Variants in ZNF804B observed in about 807,000 individuals in gnomAD.
The protein encoded by ZNF804B is zinc finger 804B.
Under a neutral mutation model 101.4 loss-of-function variants are expected in ZNF804B, and 80 were observed. That is an observed-to-expected ratio of 0.79 (90% confidence interval 0.66 to 0.95). The LOEUF is 0.95. Among genes scored for constraint, ZNF804B ranks in the 40% least tolerant of loss-of-function variants. ZNF804B has a pLI of 0.00. For missense variants in ZNF804B, 1,673 were observed against 1,561.9 expected (o/e 1.07, Z -1.20); for synonymous variants, 622 against 558.8 (o/e 1.11, Z -1.59).
intron 1 of ZNF804B, among the ~76,000 whole-genome samples, chr7:89,104,636 C>G (rs1349633310): frequency 6.6e-6 from 1 of 151,712 alleles, no homozygotes; most frequent in South Asian, 2.1e-4. Context: ...TCCTTTTTTT[C>G]CCTCTTATTT....
chr7:88,980,433 A>G (rs1793679289), intron 1 of ZNF804B, among the ~76,000 whole-genome samples: 1 of 151,956 alleles, frequency 6.6e-6, no homozygotes, highest in South Asian at 2.1e-4. Flanking sequence ...GCTGGTTTGT[A>G]TCTGTCCTTC....
intron 2 of ZNF804B, among the ~76,000 whole-genome samples, chr7:89,291,207 C>G (rs1368059728): frequency 6.6e-6 from 1 of 152,132 alleles, no homozygotes; most frequent in Non-Finnish European, 1.5e-5. Flanking sequence ...GAGTACCCAA[C>G]CCTTCAATGC....
chr7:88,947,883 AG>A (rs1793160534), intron 1 of ZNF804B, among the ~76,000 whole-genome samples: 1 of 151,928 alleles, frequency 6.6e-6, no homozygotes, highest in South Asian at 2.1e-4. Flanking sequence ...TGGTATCCAC[AG>A]GGGTCATGCA....
intron 1 of ZNF804B, among the ~76,000 whole-genome samples, chr7:89,029,251 G>C (rs975355143): frequency 2.0e-5 from 3 of 152,048 alleles, no homozygotes; most frequent in African/African-American, 7.2e-5. Flanking sequence ...TTACAGGCAT[G>C]CACCATCACA....
chr7:89,203,426 C>T (rs962565895), intron 1 of ZNF804B, among the ~76,000 whole-genome samples: 4 of 152,234 alleles, frequency 2.6e-5, no homozygotes, highest in South Asian at 2.1e-4. Context: ...TAGTTTATAG[C>T]GGCTCTTTTG....
intron 1 of ZNF804B, among the ~76,000 whole-genome samples, chr7:88,926,794 C>G (rs1474507873): frequency 1.3e-5 from 2 of 152,050 alleles, no homozygotes; most frequent in South Asian, 2.1e-4. Flanking sequence ...GGTGATTTTC[C>G]TAAGTCCAGC....
At chr7:89,092,556 G>T (rs1274949748) in intron 1 of ZNF804B, among the ~76,000 whole-genome samples, 1 of 151,680 alleles carries the variant, frequency 6.6e-6, no homozygotes, top group Non-Finnish European at 1.5e-5. Flanking sequence ...GGGACTACAG[G>T]CACGTGCCAC....
chr7:88,814,626 C>T (rs1790847023), intron 1 of ZNF804B, among the ~76,000 whole-genome samples: 1 of 151,990 alleles, frequency 6.6e-6, no homozygotes, highest in African/African-American at 2.4e-5. Flanking sequence ...AATTTGGCCT[C>T]TATATTTTAT....
Position 89,085,167 on chromosome 7 carries a change from C to T in ZNF804B, c.109-132988C>T, listed in dbSNP as rs934804392. Among the ~76,000 whole-genome samples the T allele has an allele frequency of 2.6e-5, 4 of 151,858 alleles. 1 individual carries two copies. The highest frequency in any genetic ancestry group is 2.9e-5 in the Non-Finnish European group (2 of 67,878). On this transcript the variant is annotated intron_variant, in intron 1 of 3. Coordinates refer to ENST00000333190, the MANE Select transcript of ZNF804B (RefSeq NM_181646.5). ...CCAAATCAAAGCTCTTTTGAAAAATCGAAGCTGCCTTTGTTGGGGAACATT... is the reference window on the plus strand; with the variant it reads ...CCAAATCAAAGCTCTTTTGAAAAATTGAAGCTGCCTTTGTTGGGGAACATT...
intron 1 of ZNF804B, among the ~76,000 whole-genome samples, chr7:88,981,816 G>A (rs1793698032): frequency 6.6e-6 from 1 of 151,954 alleles, no homozygotes; most frequent in Non-Finnish European, 1.5e-5. Context: ...CCTCCCGCAA[G>A]CATATACAGA....
chr7:88,978,287 G>T (rs529827843), intron 1 of ZNF804B, among the ~76,000 whole-genome samples: 1 of 151,802 alleles, frequency 6.6e-6, no homozygotes, highest in South Asian at 2.1e-4. Context: ...TTGATTTTCT[G>T]CCTGGAAAAT....
intron 1 of ZNF804B, among the ~76,000 whole-genome samples, chr7:89,184,104 G>A (rs1251407895): frequency 6.6e-6 from 1 of 152,120 alleles, no homozygotes; most frequent in African/African-American, 2.4e-5. Context: ...CATTTAGTTT[G>A]TGATGTAAGG....
At position 89,334,239 on chromosome 7, in the gene ZNF804B, A is replaced by G; in HGVS notation, c.1257A>G (p.Arg419=). The stretch of plus-strand genomic sequence containing the variant: ...AAAAATCTTTAGATAAAACAGAAAG[A>G]GTTAGCAAAAATGTTCAAAGACTTG... ...NREKSLDKTE[R]VSKNVQRLVK... The change falls in exon 4 of 4, where the codon AGA becomes AGG. Residue 419 remains arginine, a synonymous_variant. Transcript: ENST00000333190. The G allele has an allele frequency of 6.2e-7, 1 of 1,613,690 alleles. No individual in the cohort carries two copies. The highest frequency in any genetic ancestry group is 8.5e-7 in the Non-Finnish European group (1 of 1,179,824).
intron 1 of ZNF804B, among the ~76,000 whole-genome samples, chr7:89,059,905 G>GT (rs1382402456): frequency 9.3e-3 from 1 of 108 alleles, no homozygotes; most frequent in Non-Finnish European, 0.019. Context: ...CTAATTGGCT[G>GT]GGCCTGGAGA....
chr7:88,929,997 T>G (rs1221883246), intron 1 of ZNF804B, among the ~76,000 whole-genome samples: 1 of 151,896 alleles, frequency 6.6e-6, no homozygotes, highest in Non-Finnish European at 1.5e-5. Flanking sequence ...GGTTCCAAAA[T>G]GTATGTTTTG....
chr7:89,209,722 T>C (rs1482243777), intron 1 of ZNF804B, among the ~76,000 whole-genome samples: 3 of 152,200 alleles, frequency 2.0e-5, no homozygotes, highest in Non-Finnish European at 4.4e-5. Context: ...TGTCTATGTG[T>C]GTAAGAGAAA....
intron 1 of ZNF804B, among the ~76,000 whole-genome samples, chr7:89,166,355 G>A (rs1562902924): frequency 6.6e-6 from 1 of 152,096 alleles, no homozygotes; most frequent in Non-Finnish European, 1.5e-5. Flanking sequence ...TTGACAGGAA[G>A]TTTTACCAAT....
chr7:88,988,969 A>G (rs1793804778), intron 1 of ZNF804B, among the ~76,000 whole-genome samples: 1 of 152,042 alleles, frequency 6.6e-6, no homozygotes, highest in African/African-American at 2.4e-5. Flanking sequence ...TGATGCCCAG[A>G]TCACACCCTC....
intron 2 of ZNF804B, among the ~76,000 whole-genome samples, chr7:89,226,285 A>G (rs1325898726): frequency 1.3e-5 from 2 of 152,098 alleles, no homozygotes; most frequent in Non-Finnish European, 2.9e-5. Context: ...AAATAATCAG[A>G]TGAATTTCAA....
Sources: gnomAD v4.1 joint callset for allele counts (sites outside exome capture counted in the v4.1 genomes callset) on GRCh38, gnomAD v4.1.1 for gene constraint, MANE v1.5 for transcripts, NCBI Gene and HGNC (gene_info 2026-07-23, HGNC 2026-07-21) for gene names.